WDR7: variants seen among roughly 807,000 people sequenced by gnomAD.
WDR7 encodes WD repeat-containing protein 7.
WDR7 carries 46 observed loss-of-function variants against 169.4 expected under a neutral mutation model. The observed-to-expected ratio is 0.27, with a 90% confidence interval of 0.21 to 0.35. The LOEUF (loss-of-function observed/expected upper bound fraction) is 0.35. Among genes scored for constraint, WDR7 ranks in the 10% least tolerant of loss-of-function variants. The pLI is 1.00. For missense variants in WDR7, 1,534 were observed against 1,859.3 expected (o/e 0.83, Z 3.22); for synonymous variants, 612 against 666.8 (o/e 0.92, Z 1.27).
chr18:56,928,379 C>T (rs747266398), intron 22 of WDR7, among the ~76,000 whole-genome samples: 63 of 152,118 alleles, frequency 4.1e-4, no homozygotes, highest in Non-Finnish European at 1.2e-4. Flanking sequence ...GAGGAAGGAT[C>T]GCTTGAGTCT....
intron 25 of WDR7, among the ~76,000 whole-genome samples, chr18:56,950,803 A>C (rs2047170166): frequency 6.6e-6 from 1 of 152,188 alleles, no homozygotes; most frequent in South Asian, 2.1e-4. Flanking sequence ...CTGATTCCAG[A>C]AGGGGACCTC....
At chr18:56,725,413 G>A (rs2026425569) in intron 13 of WDR7, among the ~76,000 whole-genome samples, 1 of 151,832 alleles carries the variant, frequency 6.6e-6, no homozygotes, top group Admixed American at 6.5e-5. Flanking sequence ...GTGATGATGA[G>A]CATTTTTTCA....
chr18:57,020,069 C>A (rs2048266091), intron 26 of WDR7, among the ~76,000 whole-genome samples: 1 of 152,126 alleles, frequency 6.6e-6, no homozygotes, highest in South Asian at 2.1e-4. Flanking sequence ...TAAAATACAA[C>A]TTCCTTTTTA....
chr18:56,805,785 C>G (rs2044763831), intron 19 of WDR7, among the ~76,000 whole-genome samples: 1 of 152,048 alleles, frequency 6.6e-6, no homozygotes, highest in Non-Finnish European at 1.5e-5. Context: ...ATACTGGAAC[C>G]AGGCATCTGT....
intron 14 of WDR7, among the ~76,000 whole-genome samples, chr18:56,752,562 C>T (rs1218074139): frequency 2.0e-5 from 3 of 152,052 alleles, no homozygotes; most frequent in East Asian, 3.8e-4. Context: ...CAATACCCTG[C>T]GCAAACACAA....
chr18:56,897,251 A>G (rs1472919572), intron 21 of WDR7, among the ~76,000 whole-genome samples: 1 of 151,978 alleles, frequency 6.6e-6, no homozygotes, highest in Non-Finnish European at 1.5e-5. Context: ...TGAGTATATT[A>G]TCTTGTGAGT....
At chr18:56,870,970 C>T (rs567653034) in intron 20 of WDR7, among the ~76,000 whole-genome samples, 3 of 152,222 alleles carry the variant, frequency 2.0e-5, no homozygotes, top group African/African-American at 7.2e-5. Flanking sequence ...TTTTTATAGT[C>T]AGTGTGTGCT....
intron 9 of WDR7, among the ~76,000 whole-genome samples, chr18:56,693,104 G>A (rs945162391): frequency 1.3e-5 from 2 of 152,128 alleles, no homozygotes; most frequent in Non-Finnish European, 2.9e-5. Flanking sequence ...CAAACGATTG[G>A]TTATGCTTAA....
At chr18:56,748,410 A>G (rs2043737240) in intron 14 of WDR7, among the ~76,000 whole-genome samples, 1 of 152,160 alleles carries the variant, frequency 6.6e-6, no homozygotes, top group African/African-American at 2.4e-5. Flanking sequence ...CTAACCTCTT[A>G]ATATATTAAT....
At chr18:56,873,836 AC>A (rs2045985528) in intron 20 of WDR7, 1 of 152,196 alleles carries the variant, frequency 6.6e-6, no homozygotes, top group Non-Finnish European at 1.5e-5. Flanking sequence ...AAGATGTCAC[AC>A]CAGGCTCTCT....
At chr18:56,728,253 G>A (rs2026503899) in intron 13 of WDR7, among the ~76,000 whole-genome samples, 1 of 152,136 alleles carries the variant, frequency 6.6e-6, no homozygotes, top group African/African-American at 2.4e-5. Flanking sequence ...TAATTAGTAA[G>A]CATTTTGTGA....
At chr18:56,713,967 T>C (rs1403580711) in intron 12 of WDR7, among the ~76,000 whole-genome samples, 1 of 152,244 alleles carries the variant, frequency 6.6e-6, no homozygotes, top group Non-Finnish European at 1.5e-5. Flanking sequence ...TATTACTCTG[T>C]TCATTGTTTA....
At chr18:56,803,745 A>G (rs2044718752) in intron 19 of WDR7, among the ~76,000 whole-genome samples, 1 of 152,178 alleles carries the variant, frequency 6.6e-6, no homozygotes, top group South Asian at 2.1e-4. Context: ...AGCACTTACC[A>G]CATCTCAGGC....
At chr18:56,706,894 G>T (rs2025969059) in intron 12 of WDR7, among the ~76,000 whole-genome samples, 1 of 151,446 alleles carries the variant, frequency 6.6e-6, no homozygotes, top group South Asian at 2.1e-4. Context: ...CACCATGTTG[G>T]CCAGGATGGC....
At chr18:57,005,330 A>G (rs942558775) in intron 26 of WDR7, among the ~76,000 whole-genome samples, 1 of 152,194 alleles carries the variant, frequency 6.6e-6, no homozygotes, top group South Asian at 2.1e-4. Context: ...TGCATTTACC[A>G]TATAATATTA....
At chr18:56,652,256 A>T (rs2024672771) in intron 1 of WDR7, among the ~76,000 whole-genome samples, 1 of 152,224 alleles carries the variant, frequency 6.6e-6, no homozygotes, top group Admixed American at 6.5e-5. Context: ...TAGGGAACCT[A>T]CCGTCGCATG....
chr18:56,943,030 C>G (rs1207239000), intron 25 of WDR7, among the ~76,000 whole-genome samples: 5 of 152,174 alleles, frequency 3.3e-5, no homozygotes, highest in Non-Finnish European at 1.5e-5. Context: ...TTATAGAGGA[C>G]TTCAGAGAAC....
Position 56,939,303 on chromosome 18 carries a change from T to C in WDR7, c.3982-8T>C, listed in dbSNP as rs776020014. On this transcript the variant is annotated splice_region_variant and splice_polypyrimidine_tract_variant and intron_variant, in intron 24 of 27. Transcript: ENST00000254442. ...AATTAATTTTAAATCTGTTCTTTTC[T>C]GTCAAAGGTTATGGACATCATTATG... 1 of 1,496,030 alleles carries C rather than the reference T, an allele frequency of 6.7e-7. No homozygotes were observed. Among genetic ancestry groups the C allele is most frequent in the Non-Finnish European group, 8.9e-7 (1 of 1,120,202 alleles). 92.7% of individuals were successfully genotyped at this position (1,496,030 alleles called of 1,614,324 possible).
intron 7 of WDR7, among the ~76,000 whole-genome samples, chr18:56,689,686 G>T (rs1468525076): frequency 2.0e-5 from 3 of 152,066 alleles, no homozygotes; most frequent in Non-Finnish European, 4.4e-5. Flanking sequence ...GCCATTTGTT[G>T]AATAATTCAT....
Sources: allele counts gnomAD v4.1 joint callset (sites outside exome capture counted in the v4.1 genomes callset), GRCh38; gene constraint gnomAD v4.1.1; transcripts MANE v1.5; gene names NCBI Gene and HGNC (gene_info 2026-07-23, HGNC 2026-07-21).